PLEKHB2: variants seen among roughly 807,000 people sequenced by gnomAD.
PLEKHB2 encodes pleckstrin homology domain containing B2, also known as pleckstrin homology domain-containing family B member 2.
In PLEKHB2, 31 loss-of-function variants were observed where a neutral mutation model predicts 36.5. The ratio of observed to expected loss-of-function variants is 0.85; its 90% CI spans 0.64 to 1.15. The LOEUF (loss-of-function observed/expected upper bound fraction) is 1.15. PLEKHB2 is among the 50% of genes most tolerant of loss of function. The pLI is 0.00. For synonymous variants in PLEKHB2, 119 were observed against 112.0 expected (o/e 1.06, Z -0.39); for missense variants, 262 against 295.3 (o/e 0.89, Z 0.83).
intron 7 of PLEKHB2, 50 bp from the exon 8 acceptor site, chr2:131,146,587 A>C (rs369158671): frequency 6.4e-7 from 1 of 1,563,396 alleles, no homozygotes; most frequent in Non-Finnish European, 8.7e-7. Flanking sequence ...GCGTGATGTT[A>C]AACTTCACAA....
intron 1 of PLEKHB2, chr2:131,120,509 C>A: frequency 5.4e-6 from 1 of 184,930 alleles, no homozygotes; most frequent in Non-Finnish European, 1.1e-5. Context: ...CTGACCTGGC[C>A]ACTCCACGTC....
intron 7 of PLEKHB2, among the ~76,000 whole-genome samples, chr2:131,141,337 C>A (rs577144357): frequency 6.6e-6 from 1 of 152,116 alleles, no homozygotes; most frequent in Admixed American, 6.5e-5. Context: ...AAGTTGAAAA[C>A]CATTAAAATG....
rs555501506 is a variant in PLEKHB2 at position 131,132,798 on chromosome 2, T to A, written c.334-104T>A. On this transcript the variant is annotated intron_variant, in intron 5 of 7. Transcript: ENST00000693505. ...TTGCAGAGAGCTATGTATCTTTTTG[T>A]TTTTTTAAATTTTTAATTTGCTAAA... 4.4e-5 allele frequency: 31 copies of A among 701,864 alleles called. 1 individual carries two copies. The South Asian group carries it at 6.1e-4, about 14-fold the overall frequency. 43.5% of individuals were successfully genotyped at this position (701,864 alleles called of 1,614,324 possible). A position where few individuals can be genotyped will look rare whatever the true frequency, so the allele number is the denominator to read the frequency against.
chr2:131,135,610 G>T (rs1469040348), intron 6 of PLEKHB2, among the ~76,000 whole-genome samples: 1 of 150,256 alleles, frequency 6.7e-6, no homozygotes, highest in African/African-American at 2.5e-5. Flanking sequence ...TGTATTCAGT[G>T]TTTTTTTTTG....
intron 7 of PLEKHB2, chr2:131,144,578 T>G (rs1005913903): frequency 2.6e-6 from 1 of 386,778 alleles, no homozygotes; most frequent in African/African-American, 2.1e-5. Flanking sequence ...TAGTTTTTCC[T>G]GTAGTATCTT....
At chr2:131,130,048 C>CT (rs879315607) in intron 4 of PLEKHB2, among the ~76,000 whole-genome samples, 2,617 of 149,176 alleles carry the variant, frequency 0.018, 40 homozygotes, top group African/African-American at 0.045. Flanking sequence ...TTCTTTTCTT[C>CT]TTTTTTTTTT....
At chr2:131,131,572 CTTTA>C (rs530053062) in intron 5 of PLEKHB2, among the ~76,000 whole-genome samples, 103 of 152,114 alleles carry the variant, frequency 6.8e-4, no homozygotes, top group Admixed American at 1.3e-3. Flanking sequence ...TTTTTCTCTC[CTTTA>C]TTAATCTGTA....
Position 131,130,895 on chromosome 2 carries a change from C to T in PLEKHB2, c.333+135C>T, listed in dbSNP as rs897367829. 5 of 651,008 alleles carry T rather than the reference C, an allele frequency of 7.7e-6. No homozygotes were observed. The Admixed American group carries it at 8.4e-5, about 11-fold the overall frequency. 40.3% of individuals were successfully genotyped at this position (651,008 alleles called of 1,614,324 possible). A position where few individuals can be genotyped will look rare whatever the true frequency, so the allele number is the denominator to read the frequency against. On this transcript the variant is annotated intron_variant, in intron 5 of 7. Transcript: ENST00000693505. ...TCTCGGGCTCAAGTAGTCCTCCCAC[C>T]TCAGCCTCCCCTTCCCAGTAGCTGG...
chr2:131,149,670 T>C lies in PLEKHB2; in HGVS notation c.*2897T>C, dbSNP rs1158491264. ...TTTCTTTTTCCTTCCCTAGTGTATG[T>C]AGATACAAGGCATGGAATGCAGTTC... On this transcript the variant is annotated 3_prime_UTR_variant, in exon 8 of 8. Coordinates refer to ENST00000693505, the MANE Select transcript of PLEKHB2 (RefSeq NM_001100623.2). 1.3e-5 allele frequency: 2 copies of C among 152,366 alleles called. No individual in the cohort carries two copies. The highest frequency in any genetic ancestry group is 2.9e-5 in the Non-Finnish European group (2 of 68,042). The allele number at this position is 152,366 out of a possible 1,614,324, so 9.4% of individuals were successfully genotyped here.
At chr2:131,127,406 A>G (rs1353118142) in intron 4 of PLEKHB2, among the ~76,000 whole-genome samples, 1 of 152,232 alleles carries the variant, frequency 6.6e-6, no homozygotes, top group Non-Finnish European at 1.5e-5. Context: ...TTTCTTATAA[A>G]GGACACCAAT....
chr2:131,119,228 C>T (rs1042851567), intron 1 of PLEKHB2, among the ~76,000 whole-genome samples: 1 of 152,064 alleles, frequency 6.6e-6, no homozygotes, highest in Admixed American at 6.6e-5. Context: ...TGCACTCCAG[C>T]CTGGACATCG....
chr2:131,136,127 T>C (rs1698219667), intron 6 of PLEKHB2, among the ~76,000 whole-genome samples: 1 of 151,816 alleles, frequency 6.6e-6, no homozygotes, highest in South Asian at 2.1e-4. Context: ...TCATGACTGG[T>C]TGTCAGTTGC....
chr2:131,131,678 C>T (rs1225463905), intron 5 of PLEKHB2, among the ~76,000 whole-genome samples: 1 of 151,716 alleles, frequency 6.6e-6, no homozygotes, highest in African/African-American at 2.4e-5. Context: ...CGTCAGTGTT[C>T]TCTTCCTTTG....
At chr2:131,105,846 C>T (rs1694661684) in intron 1 of PLEKHB2, among the ~76,000 whole-genome samples, 1 of 152,184 alleles carries the variant, frequency 6.6e-6, no homozygotes, top group African/African-American at 2.4e-5. Flanking sequence ...TGCTGCGGCC[C>T]GCCGCCTGGG....
At chr2:131,117,019 G>C (rs1428502303) in intron 1 of PLEKHB2, among the ~76,000 whole-genome samples, 1 of 152,084 alleles carries the variant, frequency 6.6e-6, no homozygotes, top group Non-Finnish European at 1.5e-5. Context: ...CTGCTTGGGA[G>C]GCTGAGGCAT....
At chr2:131,140,570 CT>C (rs1698687688) in intron 7 of PLEKHB2, among the ~76,000 whole-genome samples, 2 of 152,258 alleles carry the variant, frequency 1.3e-5, no homozygotes, top group South Asian at 2.1e-4. Context: ...AGTAAGAGGC[CT>C]ATTTTAAGGG....
chr2:131,143,141 G>C (rs1303229732), intron 7 of PLEKHB2, among the ~76,000 whole-genome samples: 1 of 152,176 alleles, frequency 6.6e-6, no homozygotes, highest in Non-Finnish European at 1.5e-5. Context: ...CTGAGCAGTT[G>C]AAGGTAGGCT....
intron 4 of PLEKHB2, among the ~76,000 whole-genome samples, chr2:131,128,511 A>G (rs1474792842): frequency 6.6e-6 from 1 of 152,194 alleles, no homozygotes; most frequent in Non-Finnish European, 1.5e-5. Context: ...TATCTTGTTC[A>G]TCATCTGCTT....
chr2:131,126,937 T>C lies in PLEKHB2; in HGVS notation c.293+151T>C, dbSNP rs559658849. ...TGTATGAGAGAAATGCAAGAGTCGC[T>C]TTTCCAATTCTAGTTTCTGCCTCTC... On this transcript the variant is annotated intron_variant, in intron 4 of 7. Transcript: ENST00000693505. The C allele has an allele frequency of 2.7e-5, 16 of 594,500 alleles. No individual in the cohort carries two copies. In the African/African-American group the frequency reaches 3.0e-4, roughly 11 times the overall value. 36.8% of individuals were successfully genotyped at this position (594,500 alleles called of 1,614,324 possible).
Sources: gnomAD v4.1 joint callset for allele counts (sites outside exome capture counted in the v4.1 genomes callset) on GRCh38, gnomAD v4.1.1 for gene constraint, MANE v1.5 for transcripts, NCBI Gene and HGNC (gene_info 2026-07-23, HGNC 2026-07-21) for gene names.